SLC1A2: variants seen among roughly 807,000 people sequenced by gnomAD.
The protein encoded by SLC1A2 is solute carrier family 1 member 2, also known as excitatory amino acid transporter 2.
A neutral mutation model predicts 48.8 loss-of-function variants in SLC1A2; 15 were observed. That is an observed-to-expected ratio of 0.31 (90% CI 0.21 to 0.47). The LOEUF (loss-of-function observed/expected upper bound fraction) is 0.47, where lower values mean the gene tolerates loss of function less well. Ranked by LOEUF, SLC1A2 falls within the 20% of genes least tolerant of loss-of-function variation. The pLI is 0.99. For missense variants in SLC1A2, 502 were observed against 730.5 expected, an observed-to-expected ratio of 0.69 and a Z score of 3.61; for synonymous variants, 279 against 272.6, an observed-to-expected ratio of 1.02 and a Z score of -0.23.
At chr11:35,390,225 A>T (rs972564794) in intron 1 of SLC1A2, among the ~76,000 whole-genome samples, 1 of 152,198 alleles carries the variant, frequency 6.6e-6, no homozygotes, top group Non-Finnish European at 1.5e-5. Context: ...TCTGTGTGCA[A>T]TCTACAGTAA....
chr11:35,293,599 C>T (rs933678873), intron 6 of SLC1A2, among the ~76,000 whole-genome samples: 1 of 152,102 alleles, frequency 6.6e-6, no homozygotes, highest in Non-Finnish European at 1.5e-5. Flanking sequence ...CAGTTTCTGG[C>T]TGATATGAAA....
At chr11:35,382,999 C>T (rs2135210866) in intron 1 of SLC1A2, among the ~76,000 whole-genome samples, 1 of 152,210 alleles carries the variant, frequency 6.6e-6, no homozygotes, top group Non-Finnish European at 1.5e-5. Context: ...AATTATCAGA[C>T]ATATAGAAAA....
At chr11:35,367,219 G>T (rs1386036209) in intron 1 of SLC1A2, among the ~76,000 whole-genome samples, 1 of 152,224 alleles carries the variant, frequency 6.6e-6, no homozygotes, top group East Asian at 1.9e-4. Context: ...TACAATAACT[G>T]GTAGATTTGA....
At chr11:35,358,766 T>A (rs1243231839) in intron 1 of SLC1A2, among the ~76,000 whole-genome samples, 2 of 152,144 alleles carry the variant, frequency 1.3e-5, no homozygotes, top group Non-Finnish European at 2.9e-5. Context: ...GAACACTGAA[T>A]AATGTGTTGA....
intron 1 of SLC1A2, among the ~76,000 whole-genome samples, chr11:35,321,208 T>C (rs1852054463): frequency 6.6e-6 from 1 of 152,112 alleles, no homozygotes; most frequent in Non-Finnish European, 1.5e-5. Flanking sequence ...CCCCCATGAT[T>C]CAGTTATCTC....
chr11:35,380,276 TG>T (rs770891412), intron 1 of SLC1A2: 7 of 398,176 alleles, frequency 1.8e-5, no homozygotes, highest in Non-Finnish European at 3.1e-5. Context: ...CCTGATGCTC[TG>T]GGTGGTTCGA....
At chr11:35,317,352 G>A (rs370716391) in intron 2 of SLC1A2, 25 bp downstream of exon 2, 1 of 1,606,034 alleles carries the variant, frequency 6.2e-7, no homozygotes, top group Admixed American at 1.7e-5. Flanking sequence ...GAGGGGGCTG[G>A]GGGTGGGGTA....
chr11:35,340,886 C>A (rs1426388867), intron 1 of SLC1A2, among the ~76,000 whole-genome samples: 1 of 152,102 alleles, frequency 6.6e-6, no homozygotes, highest in Non-Finnish European at 1.5e-5. Context: ...AGTGTGCCCC[C>A]TGGGATTATG....
intron 1 of SLC1A2, among the ~76,000 whole-genome samples, chr11:35,376,907 GA>G (rs1215889973): frequency 2.0e-5 from 3 of 152,196 alleles, no homozygotes; most frequent in Non-Finnish European, 4.4e-5. Context: ...AAGCTGCTAG[GA>G]AAAGCCTGGA....
At chr11:35,326,957 C>A (rs1400317286) in intron 1 of SLC1A2, among the ~76,000 whole-genome samples, 1 of 152,150 alleles carries the variant, frequency 6.6e-6, no homozygotes, top group South Asian at 2.1e-4. Flanking sequence ...TCTGGAGGAA[C>A]CCCTTAATAT....
At chr11:35,409,690 C>T (rs1176199986) in intron 1 of SLC1A2, among the ~76,000 whole-genome samples, 1 of 152,148 alleles carries the variant, frequency 6.6e-6, no homozygotes, top group Non-Finnish European at 1.5e-5. Flanking sequence ...GGATGGATTA[C>T]CTGAGGTCAG....
chr11:35,375,016 G>A (rs1264776033), intron 1 of SLC1A2, among the ~76,000 whole-genome samples: 1 of 152,102 alleles, frequency 6.6e-6, no homozygotes, highest in Non-Finnish European at 1.5e-5. Flanking sequence ...CAAACAAAAG[G>A]TATTTGAATG....
chr11:35,289,578 C>T (rs555815687), intron 7 of SLC1A2, among the ~76,000 whole-genome samples: 3 of 151,992 alleles, frequency 2.0e-5, no homozygotes, highest in Non-Finnish European at 4.4e-5. Flanking sequence ...TAAGATTCAC[C>T]TTGTCTTATA....
chr11:35,271,440 AC>A (rs1034443859), intron 9 of SLC1A2, among the ~76,000 whole-genome samples: 5 of 152,232 alleles, frequency 3.3e-5, no homozygotes, highest in African/African-American at 1.2e-4. Flanking sequence ...AGGTCAACCA[AC>A]TTTTAATGAA....
intron 1 of SLC1A2, among the ~76,000 whole-genome samples, chr11:35,318,327 G>A (rs1851947682): frequency 6.6e-6 from 1 of 152,180 alleles, no homozygotes; most frequent in Non-Finnish European, 1.5e-5. Flanking sequence ...TCACTTCCCA[G>A]GCCAATAAGA....
In SLC1A2 at chr11:35,265,655, G is replaced by A. The variant is rs767432319; in HGVS notation, c.1525C>T (p.Arg509Ter). The A allele has an allele frequency of 1.2e-6, 2 of 1,612,608 alleles. No homozygotes were observed. The highest frequency in any genetic ancestry group is 1.7e-6 in the Non-Finnish European group (2 of 1,178,650). Residue 509 changes from arginine to a stop codon, truncating the protein, a stop_gained, in exon 10 of 11, where the codon CGA becomes TGA. Coordinates refer to ENST00000278379, the MANE Select transcript of SLC1A2 (RefSeq NM_004171.4). LOFTEE classifies it high-confidence loss of function. Reference protein sequence around the residue: ...SELDTIDSQHRVHEDIEMTKT... With the variant: ...SELDTIDSQH ...GTCATTTCAATATCTTCATGCACTCGATGCTGGGAGTCAATGGTATCCAGC... is the reference window on the plus strand; with the variant it reads ...GTCATTTCAATATCTTCATGCACTCAATGCTGGGAGTCAATGGTATCCAGC...
chr11:35,299,351 C>CTGTGTGTGTGTGTGTGTGTG (rs3046423), intron 6 of SLC1A2: 1 of 93,420 alleles, frequency 1.1e-5, no homozygotes, highest in African/African-American at 3.2e-5. Context: ...CTCTCTCTCT[C>CTGTGTGTGTGTGTGTGTGTG]TCTGTGTGTG....
At chr11:35,314,539 C>T (rs556013875) in intron 3 of SLC1A2, among the ~76,000 whole-genome samples, 1 of 151,972 alleles carries the variant, frequency 6.6e-6, no homozygotes, top group East Asian at 1.9e-4. Context: ...ATGGTGAAAC[C>T]CTGTCTCTAC....
chr11:35,418,605 C>G (rs1220444316), intron 1 of SLC1A2: 1 of 242,300 alleles, frequency 4.1e-6, no homozygotes, highest in Non-Finnish European at 7.9e-6. Context: ...CCAGGCGCTG[C>G]TACCCCGGTG....
Sources: gnomAD v4.1 joint callset for allele counts (sites outside exome capture counted in the v4.1 genomes callset) on GRCh38, gnomAD v4.1.1 for gene constraint, MANE v1.5 for transcripts, NCBI Gene and HGNC (gene_info 2026-07-23, HGNC 2026-07-21) for gene names.